ITGA11: variants seen among roughly 807,000 people sequenced by gnomAD.
ITGA11 encodes integrin alpha-11.
Under a neutral mutation model 141.9 loss-of-function variants are expected in ITGA11, and 97 were observed. The observed-to-expected ratio is 0.68, with a 90% CI of 0.58 to 0.81. The LOEUF (loss-of-function observed/expected upper bound fraction) is 0.81, where lower values mean the gene tolerates loss of function less well. Among genes scored for constraint, ITGA11 ranks in the 30% least tolerant of loss-of-function variants. The pLI is 0.00. For synonymous variants in ITGA11, 658 were observed against 624.6 expected (o/e 1.05, Z -0.80); for missense variants, 1,387 against 1,559.2 (o/e 0.89, Z 1.86).
chr15:68,343,978 C>T (rs1023982821), intron 10 of ITGA11, among the ~76,000 whole-genome samples: 1 of 152,080 alleles, frequency 6.6e-6, no homozygotes, highest in African/African-American at 2.4e-5. Context: ...CAGAAGGGGC[C>T]GCGGGGACCT....
intron 1 of ITGA11, among the ~76,000 whole-genome samples, chr15:68,425,611 C>T (rs1897124425): frequency 6.6e-6 from 1 of 152,210 alleles, no homozygotes. Flanking sequence ...ACACACCTGT[C>T]TCAGCAGGAA....
intron 20 of ITGA11, among the ~76,000 whole-genome samples, chr15:68,318,394 G>A (rs1893669217): frequency 6.6e-6 from 1 of 152,180 alleles, no homozygotes. Flanking sequence ...GGATGCTGGT[G>A]TGGGGCTTGA....
At chr15:68,353,544 A>T (rs1050540899) in intron 7 of ITGA11, among the ~76,000 whole-genome samples, 2 of 152,222 alleles carry the variant, frequency 1.3e-5, no homozygotes, top group African/African-American at 4.8e-5. Flanking sequence ...AAATGTCAGG[A>T]TCATATTTCC....
At position 68,326,545 on chromosome 15, in the gene ITGA11, T is replaced by G; in HGVS notation, c.2211+109A>C. ...GGTACACTGTCCCTGGCTGGCTTCC[T>G]GAGGTCTGCTGGGGGCTTAGAACCA... is the stretch of plus-strand genomic sequence containing the variant. On this transcript the variant is annotated intron_variant, in intron 17 of 29. Transcript: ENST00000315757. The surrounding 1 kb of genome is among the most constrained non-coding windows in gnomAD (Gnocchi z 6.8). The G allele has an allele frequency of 1.6e-6, 2 of 1,275,110 alleles. No homozygotes were observed. The highest frequency in any genetic ancestry group is 5.4e-5 in the Admixed American group (2 of 36,916). 79.0% of individuals were successfully genotyped at this position (1,275,110 alleles called of 1,614,324 possible). A position where few individuals can be genotyped will look rare whatever the true frequency, so the allele number is the denominator to read the frequency against.
chr15:68,392,339 A>T (rs1356784987), intron 2 of ITGA11, among the ~76,000 whole-genome samples: 1 of 152,230 alleles, frequency 6.6e-6, no homozygotes, highest in African/African-American at 2.4e-5. Context: ...AGAGCTCAAT[A>T]CTTGTAAGAA....
intron 25 of ITGA11, 34 bp from the exon 26 acceptor site, chr15:68,311,114 A>G (rs746836825): frequency 6.6e-7 from 1 of 1,517,500 alleles, no homozygotes; most frequent in Non-Finnish European, 9.1e-7. Context: ...ACACACATAC[A>G]CAGCCTCACA....
chr15:68,374,656 A>G (rs1895683483), intron 2 of ITGA11, among the ~76,000 whole-genome samples: 1 of 152,192 alleles, frequency 6.6e-6, no homozygotes. Context: ...AGATGAAATG[A>G]GCCAAGGCCA....
chr15:68,391,281 A>G (rs907086275), intron 2 of ITGA11, among the ~76,000 whole-genome samples: 4 of 152,164 alleles, frequency 2.6e-5, no homozygotes, highest in African/African-American at 7.2e-5. Context: ...AGTGGCTGCA[A>G]TGGGTGGGAC....
chr15:68,329,483 C>A (rs79175585), intron 15 of ITGA11, among the ~76,000 whole-genome samples: 3,318 of 152,298 alleles, frequency 0.022, 133 homozygotes, highest in African/African-American at 0.074. Context: ...GGCTCTCGCC[C>A]GCAATTTCAT....
intron 16 of ITGA11, among the ~76,000 whole-genome samples, chr15:68,327,518 CCT>C (rs1306095486): frequency 1.3e-5 from 2 of 152,198 alleles, no homozygotes; most frequent in Admixed American, 6.5e-5. Context: ...TCCCTGAGTC[CCT>C]GTTTCCTGTG....
intron 7 of ITGA11, 185 bp downstream of exon 7, chr15:68,356,966 C>A (rs1262082165): frequency 1.0e-5 from 6 of 591,910 alleles, no homozygotes; most frequent in Non-Finnish European, 1.8e-5. Context: ...CACCAGACTG[C>A]AACTACCTGA....
At chr15:68,381,505 G>T (rs546640395) in intron 2 of ITGA11, among the ~76,000 whole-genome samples, 1 of 152,178 alleles carries the variant, frequency 6.6e-6, no homozygotes, top group Admixed American at 6.5e-5. Flanking sequence ...TGCGCTACAG[G>T]TATCCCTGAC....
rs1468875430 is a variant in ITGA11, at chr15:68,298,596, A to C, written c.*4463T>G. The C allele has an allele frequency of 6.6e-6, 1 of 152,242 alleles. No individual in the cohort carries two copies. Among genetic ancestry groups the C allele is most frequent in the African/African-American group, 2.4e-5 (1 of 41,456 alleles). The allele number at this position is 152,242 out of a possible 1,614,324, so 9.4% of individuals were successfully genotyped here. ...AGCTGTGATTGTGCCGCTGCACTCT[A>C]GCCTGGGTGACAGAGCAAGACCCTG... On this transcript the variant is annotated 3_prime_UTR_variant, in exon 30 of 30. Transcript: ENST00000315757.
chr15:68,428,180 A>G (rs1897189184), intron 1 of ITGA11, among the ~76,000 whole-genome samples: 1 of 152,186 alleles, frequency 6.6e-6, no homozygotes, highest in Admixed American at 6.5e-5. Flanking sequence ...AAATTCCCCA[A>G]ATTCCCTTCT....
intron 1 of ITGA11, among the ~76,000 whole-genome samples, chr15:68,408,913 G>T (rs1896706658): frequency 6.6e-6 from 1 of 152,174 alleles, no homozygotes; most frequent in South Asian, 2.1e-4. Flanking sequence ...TGACCCTGGG[G>T]AGTTACTCTC....
Position 68,335,755 on chromosome 15 carries a change from A to G in ITGA11, c.1367T>C (p.Leu456Pro), listed in dbSNP as rs897706198. The G allele has an allele frequency of 6.2e-7, 1 of 1,613,804 alleles. No individual in the cohort carries two copies. Among genetic ancestry groups the G allele is most frequent in the African/African-American group, 1.3e-5 (1 of 74,944 alleles). ...PRFNHTGKVI[L>P]FTMHNNRSLT... ...GCTCCGGTTGTTGTGCATGGTGAACAGGATGACCTTGCCCGTGTGGTTGAA... is the reference window on the plus strand; with the variant it reads ...GCTCCGGTTGTTGTGCATGGTGAACGGGATGACCTTGCCCGTGTGGTTGAA... The change falls in exon 12 of 30, where the codon CTG becomes CCG. Residue 456 changes from leucine (L) to proline (P), a missense_variant. Leu to Pro is a moderately conservative substitution (Grantham distance 98). Transcript: ENST00000315757. The surrounding 1 kb of genome is among the most constrained non-coding windows in gnomAD (Gnocchi z 4.9).
intron 4 of ITGA11, 43 bp from the exon 5 acceptor site, chr15:68,361,747 A>T: frequency 7.2e-7 from 1 of 1,396,112 alleles, no homozygotes; most frequent in Non-Finnish European, 1.0e-6. Flanking sequence ...AGGGGACCTC[A>T]GAGAGGATCG....
intron 10 of ITGA11, among the ~76,000 whole-genome samples, chr15:68,347,141 G>A (rs1383205232): frequency 6.6e-6 from 1 of 152,202 alleles, no homozygotes; most frequent in East Asian, 1.9e-4. Flanking sequence ...TGACGTCAGA[G>A]TCTGGAGACC....
At chr15:68,420,388 G>T (rs1407600926) in intron 1 of ITGA11, among the ~76,000 whole-genome samples, 1 of 152,192 alleles carries the variant, frequency 6.6e-6, no homozygotes, top group African/African-American at 2.4e-5. Flanking sequence ...GACCTGGACT[G>T]CCTGCTGTGA....
Sources: gnomAD v4.1 joint callset for allele counts (sites outside exome capture counted in the v4.1 genomes callset) on GRCh38, gnomAD v4.1.1 for gene constraint, Gnocchi (gnomAD v3.1) non-coding constraint, MANE v1.5 for transcripts, NCBI Gene and HGNC (gene_info 2026-07-23, HGNC 2026-07-21) for gene names.